The following UGT2B10 variants were observed in gnomAD, a reference collection of about 807,000 sequenced individuals.
UGT2B10 encodes UDP-glucuronosyltransferase 2B10.
UGT2B10 carries 51 observed loss-of-function variants against 43.7 expected under a neutral mutation model. The observed-to-expected ratio is 1.17, with a 90% CI of 0.93 to 1.47. The LOEUF (loss-of-function observed/expected upper bound fraction) is 1.47. UGT2B10 is among the 40% of genes most tolerant of loss of function. The pLI, the probability that UGT2B10 is intolerant of heterozygous loss-of-function variation, is 0.00. For synonymous variants in UGT2B10, 225 were observed against 209.0 expected (o/e 1.08, Z -0.66); for missense variants, 696 against 617.7 (o/e 1.13, Z -1.34).
intron 2 of UGT2B10, among the ~76,000 whole-genome samples, chr4:68,820,441 A>C (rs528520546): frequency 6.6e-6 from 1 of 152,240 alleles, no homozygotes; most frequent in Admixed American, 6.5e-5. Flanking sequence ...AAATCATAAA[A>C]AAATTAATCA....
Position 68,822,355 on chromosome 4 carries a change from G to A in UGT2B10, c.952G>A (p.Glu318Lys). The change falls in exon 3 of 6, where the codon GAA becomes AAA. Residue 318 changes from glutamate to lysine, a missense_variant. Coordinates refer to ENST00000265403, the MANE Select transcript of UGT2B10 (RefSeq NM_001075.6). ...LGSMVSNMTE[E>K]RANVIATALA... ...GTCAATGGTCAGTAACATGACAGAA[G>A]AAAGGGCCAACGTAATTGCAACAGC... 1 of 1,613,738 alleles carries A rather than the reference G, an allele frequency of 6.2e-7. No individual in the cohort carries two copies. The highest frequency in any genetic ancestry group is 1.7e-4 in the Middle Eastern group (1 of 6,030).
rs374922023 is a variant in UGT2B10, at chr4:68,818,022, C to A, written c.719-7C>A. 3.7e-6 allele frequency: 6 copies of A among 1,601,352 alleles called. No homozygotes were observed. The highest frequency in any genetic ancestry group is 3.4e-6 in the Non-Finnish European group (4 of 1,176,014). ...CATCCACTTCTTCTTTTCTTTATTC[C>A]TATCAGGAAGACCCACTACATTATC... On this transcript the variant is annotated splice_polypyrimidine_tract_variant and splice_region_variant and intron_variant, in intron 1 of 5. Transcript: ENST00000265403.
rs782608133 is a variant in UGT2B10 at position 68,822,301 on chromosome 4, G to C, written c.898G>C (p.Glu300Gln). 5 of 1,612,954 alleles carry C rather than the reference G, an allele frequency of 3.1e-6. No homozygotes were observed. The highest frequency in any genetic ancestry group is 3.4e-6 in the Non-Finnish European group (4 of 1,179,786). ...EMEEFVQSSG[E>Q]NGVVVFSLGS... ...GGAGGAGTTTGTACAGAGCTCTGGA[G>C]AAAATGGTGTTGTGGTGTTTTCTCT... The change falls in exon 3 of 6, where the codon GAA (glutamate) becomes CAA (glutamine). Residue 300 changes from glutamate to glutamine, a missense_variant. Physicochemically the swap from Glu to Gln is conservative, Grantham distance 29. Transcript: ENST00000265403.
intron 3 of UGT2B10, among the ~76,000 whole-genome samples, chr4:68,824,145 C>A (rs909434080): frequency 4.6e-5 from 7 of 152,240 alleles, no homozygotes; most frequent in African/African-American, 1.7e-4. Context: ...TACATTTTGG[C>A]ATAGGCCTAT....
intron 2 of UGT2B10, among the ~76,000 whole-genome samples, 191 bp downstream of exon 2, chr4:68,818,368 A>G (rs913564896): frequency 5.9e-5 from 9 of 151,838 alleles, no homozygotes; most frequent in African/African-American, 2.2e-4. Context: ...CATGTTACAA[A>G]TAGAGAGGAA....
intron 3 of UGT2B10, among the ~76,000 whole-genome samples, chr4:68,823,425 T>C (rs1419848153): frequency 1.3e-5 from 2 of 152,080 alleles, no homozygotes; most frequent in Admixed American, 6.6e-5. Context: ...GAGAATCCCT[T>C]GAACCAAGGA....
At chr4:68,822,691 C>T (rs1304504578) in intron 3 of UGT2B10, among the ~76,000 whole-genome samples, 2 of 152,068 alleles carry the variant, frequency 1.3e-5, no homozygotes, top group Admixed American at 1.3e-4. Context: ...TTGAGACCCA[C>T]AATTACTTTT....
chr4:68,827,241 C>G (rs1737827947), intron 4 of UGT2B10, 88 bp from the exon 5 acceptor site: 1 of 1,595,762 alleles, frequency 6.3e-7, no homozygotes, highest in African/African-American at 1.4e-5. Flanking sequence ...AGTGTGTTAT[C>G]TAGAAAACAC....
chr4:68,829,700 C>T (rs539629664), intron 5 of UGT2B10, among the ~76,000 whole-genome samples: 12 of 151,790 alleles, frequency 7.9e-5, no homozygotes, highest in East Asian at 3.9e-4. Flanking sequence ...ACTCCAAGAG[C>T]GGGAGAGAAG....
Position 68,816,036 on chromosome 4 carries a change from C to T in UGT2B10, c.17C>T (p.Thr6Ile). Residue 6 changes from threonine to isoleucine, a missense_variant, in exon 1 of 6, where the codon ACT (threonine) becomes ATT (isoleucine). Physicochemically the swap from Thr to Ile is moderately conservative, Grantham distance 89. Coordinates refer to ENST00000265403, the MANE Select transcript of UGT2B10 (RefSeq NM_001075.6). ...TGCACAAGGATGGCTCTGAAATGGA[C>T]TACAGTTCTGCTGATACAACTCAGT... MALKW[T>I]TVLLIQLSFY... 4 of 1,612,786 alleles carry T rather than the reference C, an allele frequency of 2.5e-6. No individual in the cohort carries two copies. The highest frequency in any genetic ancestry group is 3.4e-6 in the Non-Finnish European group (4 of 1,179,156).
chr4:68,826,592 A>G, intron 4 of UGT2B10, 95 bp downstream of exon 4: 2 of 1,404,646 alleles, frequency 1.4e-6, no homozygotes, highest in South Asian at 2.8e-5. Flanking sequence ...TATTTGTTAT[A>G]GGAAAACAAA....
At chr4:68,826,123 C>T (rs1277625567) in intron 3 of UGT2B10, among the ~76,000 whole-genome samples, 4 of 151,814 alleles carry the variant, frequency 2.6e-5, no homozygotes, top group Admixed American at 6.6e-5. Context: ...GATGGTTAGC[C>T]GCAGGTAGTT....
At chr4:68,818,786 GTC>G (rs1737352114) in intron 2 of UGT2B10, among the ~76,000 whole-genome samples, 1 of 151,728 alleles carries the variant, frequency 6.6e-6, no homozygotes, top group African/African-American at 2.4e-5. Context: ...CAGTTCTCAA[GTC>G]CTCAGGTTTA....
At chr4:68,824,034 G>A (rs1737645999) in intron 3 of UGT2B10, among the ~76,000 whole-genome samples, 1 of 152,142 alleles carries the variant, frequency 6.6e-6, no homozygotes, top group African/African-American at 2.4e-5. Context: ...GTTTTAATGG[G>A]TGACTTCAGT....
rs1289138074 is a variant in UGT2B10, at chr4:68,822,330, G to T, written c.927G>T (p.Gly309=). ...GENGVVVFSL[G]SMVSNMTEER... Reference sequence around the variant, plus strand: ...ATGGTGTTGTGGTGTTTTCTCTGGGGTCAATGGTCAGTAACATGACAGAAG... The same window carrying T: ...ATGGTGTTGTGGTGTTTTCTCTGGGTTCAATGGTCAGTAACATGACAGAAG... The change falls in exon 3 of 6, where the codon GGG becomes GGT. Residue 309 remains glycine, a synonymous_variant. Coordinates refer to ENST00000265403, the MANE Select transcript of UGT2B10 (RefSeq NM_001075.6). 8.1e-6 allele frequency: 13 copies of T among 1,613,466 alleles called. No individual in the cohort carries two copies. The East Asian group carries it at 8.9e-5, about 11-fold the overall frequency.
chr4:68,825,651 C>T (rs1392164588), intron 3 of UGT2B10, among the ~76,000 whole-genome samples: 2 of 152,034 alleles, frequency 1.3e-5, no homozygotes, highest in Admixed American at 1.3e-4. Flanking sequence ...CAATCCTTAT[C>T]CCTGCAAAAT....
In UGT2B10 at chr4:68,831,720, G is replaced by T. The variant is rs954239353; in HGVS notation, c.*841G>T. ...CTCTCTTGTTTCTAGTTGTTTTCTTGGTCTTAACTACCCATTATATGCTTT... is the reference window on the plus strand; with the variant it reads ...CTCTCTTGTTTCTAGTTGTTTTCTTTGTCTTAACTACCCATTATATGCTTT... On this transcript the variant is annotated 3_prime_UTR_variant, in exon 6 of 6. Transcript: ENST00000265403. Among the ~76,000 whole-genome samples, 2 of 151,866 alleles carry T rather than the reference G, an allele frequency of 1.3e-5. No homozygotes were observed. The highest frequency in any genetic ancestry group is 4.8e-5 in the African/African-American group (2 of 41,364).
At chr4:68,828,903 A>G (rs1737936342) in intron 5 of UGT2B10, among the ~76,000 whole-genome samples, 1 of 151,722 alleles carries the variant, frequency 6.6e-6, no homozygotes, top group South Asian at 2.1e-4. Flanking sequence ...TATAAATACT[A>G]TTACTAAAAT....
intron 2 of UGT2B10, 113 bp from the exon 3 acceptor site, chr4:68,822,158 T>A (rs1344714950): frequency 1.6e-5 from 24 of 1,469,332 alleles, no homozygotes; most frequent in Non-Finnish European, 2.2e-5. Context: ...TTTACTCCAA[T>A]AATTCCTCAA....
Sources: gnomAD v4.1 joint callset for allele counts (sites outside exome capture counted in the v4.1 genomes callset) on GRCh38, gnomAD v4.1.1 for gene constraint, MANE v1.5 for transcripts, NCBI Gene and HGNC (gene_info 2026-07-23, HGNC 2026-07-21) for gene names.